Variants in APOLD1 observed in about 807,000 individuals in gnomAD.
APOLD1 encodes apolipoprotein L domain containing 1, also known as apolipoprotein L domain-containing protein 1.
APOLD1 carries 22 observed loss-of-function variants against 15.3 expected under a neutral mutation model. The observed-to-expected ratio is 1.44, with a 90% CI of 1.03 to 2.05. APOLD1 has a LOEUF of 2.05. Ranked by LOEUF, APOLD1 falls within the 30% of genes most tolerant of loss-of-function variation. APOLD1 has a pLI of 0.00. For synonymous variants in APOLD1, 190 were observed against 167.4 expected (o/e 1.13, Z -1.04); for missense variants, 394 against 353.5 (o/e 1.11, Z -0.92).
At chr12:12,780,080 G>A (rs776948485) in intron 1 of APOLD1, among the ~76,000 whole-genome samples, 17 of 151,844 alleles carry the variant, frequency 1.1e-4, no homozygotes, top group Non-Finnish European at 1.9e-4. Context: ...TTATAAAATT[G>A]TTATAAAATA....
chr12:12,726,902 G>A (rs1197776600), intron 1 of APOLD1, among the ~76,000 whole-genome samples: 1 of 152,172 alleles, frequency 6.6e-6, no homozygotes. Context: ...TGTTTTAATG[G>A]AATGAGAACT....
intron 1 of APOLD1, among the ~76,000 whole-genome samples, chr12:12,750,752 G>C (rs1160782897): frequency 6.6e-6 from 1 of 151,926 alleles, no homozygotes. Flanking sequence ...GTTAAGCCTT[G>C]GATACAGAAT....
At chr12:12,769,832 G>C (rs899510032) in intron 1 of APOLD1, among the ~76,000 whole-genome samples, 25 of 152,036 alleles carry the variant, frequency 1.6e-4, no homozygotes, top group Admixed American at 7.9e-4. Flanking sequence ...AGAGACATAG[G>C]CTCACTAAAA....
At chr12:12,727,707 A>G (rs530135956) in intron 1 of APOLD1, among the ~76,000 whole-genome samples, 21 of 150,260 alleles carry the variant, frequency 1.4e-4, no homozygotes, top group Non-Finnish European at 2.5e-4. Context: ...GGCTCATGCA[A>G]TCCTCCCAAC....
intron 1 of APOLD1, among the ~76,000 whole-genome samples, chr12:12,750,372 CA>C (rs34629361): frequency 0.15 from 11,110 of 74,808 alleles, 557 homozygotes; most frequent in African/African-American, 0.35. Flanking sequence ...GACTCTGTCT[CA>C]AAAAAAAAAA....
Position 12,787,151 on chromosome 12 carries a change from G to A in APOLD1, c.246G>A (p.Gly82=), listed in dbSNP as rs1947136424. The part of the protein sequence containing the change: ...VGLSLSPVTL[G]TSLLVSAVGL... ...TCTCGCTCAGCCCGGTCACCCTGGG[G>A]ACCTCGCTGCTGGTGTCGGCCGTGG... The change falls in exon 2 of 2, where the codon GGG becomes GGA. Residue 82 remains glycine, a synonymous_variant. Coordinates refer to ENST00000356591, the MANE Select transcript of APOLD1 (RefSeq NM_030817.3). This position sits in a 1 kb window ranked among gnomAD's most constrained non-coding sequence, Gnocchi z 4.9. The A allele has an allele frequency of 6.6e-7, 1 of 1,513,892 alleles. No individual in the cohort carries two copies. The highest frequency in any genetic ancestry group is 1.3e-5 in the South Asian group (1 of 77,830). The allele number at this position is 1,513,892 out of a possible 1,614,324, so 93.8% of individuals were successfully genotyped here. A position where few individuals can be genotyped will look rare whatever the true frequency, so the allele number is the denominator to read the frequency against.
Position 12,789,809 on chromosome 12 carries a change from C to A in APOLD1, c.*2157C>A, listed in dbSNP as rs1947167797. 6.6e-6 allele frequency: 1 copy of A among 152,208 alleles called. No homozygotes were observed. The highest frequency in any genetic ancestry group is 2.1e-4 in the South Asian group (1 of 4,836). The allele number at this position is 152,208 out of a possible 1,614,324, so 9.4% of individuals were successfully genotyped here. A position where few individuals can be genotyped will look rare whatever the true frequency, so the allele number is the denominator to read the frequency against. On this transcript the variant is annotated 3_prime_UTR_variant, in exon 2 of 2. Coordinates refer to ENST00000356591, the MANE Select transcript of APOLD1 (RefSeq NM_030817.3). Reference sequence around the variant, plus strand: ...TATAAATGTACCCAATCTGTCCGCACCCTTCCCAGTGATGGGGCAGTATGT... The same window carrying A: ...TATAAATGTACCCAATCTGTCCGCAACCTTCCCAGTGATGGGGCAGTATGT...
chr12:12,777,889 G>GTTTTTT (rs71436735), intron 1 of APOLD1, among the ~76,000 whole-genome samples: 10 of 117,110 alleles, frequency 8.5e-5, no homozygotes, highest in African/African-American at 1.9e-4. Flanking sequence ...AAGGAAAGGT[G>GTTTTTT]TTTTTTTTTT....
intron 1 of APOLD1, among the ~76,000 whole-genome samples, chr12:12,762,972 CCT>C (rs549559448): frequency 6.6e-6 from 1 of 151,982 alleles, no homozygotes; most frequent in Admixed American, 6.6e-5. Context: ...ATAGTAAGAC[CCT>C]GTCTCTAAAA....
intron 1 of APOLD1, among the ~76,000 whole-genome samples, chr12:12,767,756 C>T (rs1315182364): frequency 6.6e-6 from 1 of 151,650 alleles, no homozygotes; most frequent in African/African-American, 2.4e-5. Context: ...ATTTAAAGTA[C>T]ATGAAAGGAG....
Position 12,785,689 on chromosome 12 carries a change from T to G in APOLD1, c.-3T>G. On this transcript the variant is annotated 5_prime_UTR_variant, in exon 1 of 2. Coordinates refer to ENST00000356591, the MANE Select transcript of APOLD1 (RefSeq NM_030817.3). Reference sequence around the variant, plus strand: ...TTACTTTCCTGGAGGCAGACAGAAGTGAATGGTAAGTGGGGAACCCTGAGG... The same window carrying G: ...TTACTTTCCTGGAGGCAGACAGAAGGGAATGGTAAGTGGGGAACCCTGAGG... The G allele has an allele frequency of 6.2e-7, 1 of 1,614,002 alleles. No homozygotes were observed. Among genetic ancestry groups the G allele is most frequent in the Non-Finnish European group, 8.5e-7 (1 of 1,179,886 alleles).
intron 1 of APOLD1, among the ~76,000 whole-genome samples, chr12:12,769,497 CTT>C (rs1346024044): frequency 5.3e-5 from 8 of 152,124 alleles, no homozygotes; most frequent in Admixed American, 2.0e-4. Context: ...GAGATAAAAA[CTT>C]TATTGGGAGG....
chr12:12,764,665 A>G, intron 1 of APOLD1: 1 of 493,252 alleles, frequency 2.0e-6, no homozygotes, highest in South Asian at 1.6e-5. Flanking sequence ...TGCGTTTCCA[A>G]GTGTGAAGGG....
intron 1 of APOLD1, among the ~76,000 whole-genome samples, chr12:12,744,133 T>TGGTGAAATCCCACCTCTACTAAA: frequency 6.6e-6 from 1 of 151,888 alleles, no homozygotes; most frequent in East Asian, 1.9e-4. Flanking sequence ...CTGGGGAACA[T>TGGTGAAATCCCACCTCTACTAAA]AGCAAGACTG....
chr12:12,774,563 A>G (rs1365596194), intron 1 of APOLD1, among the ~76,000 whole-genome samples: 5 of 137,726 alleles, frequency 3.6e-5, no homozygotes, highest in Admixed American at 1.4e-4. Flanking sequence ...AAAAAAAAAA[A>G]AAAAAAAAAA....
intron 1 of APOLD1, among the ~76,000 whole-genome samples, chr12:12,763,776 T>C (rs1022024405): frequency 6.6e-6 from 1 of 152,160 alleles, no homozygotes; most frequent in Non-Finnish European, 1.5e-5. Flanking sequence ...CTTTAAATCA[T>C]CTCTAGATTA....
At chr12:12,735,248 A>T (rs1026740060) in intron 1 of APOLD1, among the ~76,000 whole-genome samples, 1 of 152,008 alleles carries the variant, frequency 6.6e-6, no homozygotes, top group African/African-American at 2.4e-5. Flanking sequence ...CAAACAAAAT[A>T]AAAAATGCCA....
intron 1 of APOLD1, among the ~76,000 whole-genome samples, chr12:12,767,773 A>G (rs1289353946): frequency 6.6e-6 from 1 of 152,076 alleles, no homozygotes; most frequent in Non-Finnish European, 1.5e-5. Flanking sequence ...GGAGGTGAGT[A>G]GGTTATACGC....
At chr12:12,767,666 A>G (rs1227969587) in intron 1 of APOLD1, among the ~76,000 whole-genome samples, 1 of 152,212 alleles carries the variant, frequency 6.6e-6, no homozygotes, top group Non-Finnish European at 1.5e-5. Context: ...AAAACAAAAC[A>G]AAAACAAAAA....
Sources: gnomAD v4.1 joint callset for allele counts (sites outside exome capture counted in the v4.1 genomes callset) on GRCh38, gnomAD v4.1.1 for gene constraint, Gnocchi (gnomAD v3.1) non-coding constraint, MANE v1.5 for transcripts, NCBI Gene and HGNC (gene_info 2026-07-23, HGNC 2026-07-21) for gene names.